The following FAM83B variants were observed in gnomAD, a reference collection of about 807,000 sequenced individuals.
FAM83B encodes the protein scaffolding CK1 anchoring protein B, also known as protein FAM83B.
Under a neutral mutation model 38.8 loss-of-function variants are expected in FAM83B, and 26 were observed. That is an observed-to-expected ratio of 0.67 (90% confidence interval 0.49 to 0.93). The LOEUF (loss-of-function observed/expected upper bound fraction) is 0.93. Ranked by LOEUF, FAM83B falls within the 40% of genes least tolerant of loss-of-function variation. The pLI is 0.00. For synonymous variants in FAM83B, 419 were observed against 423.1 expected (o/e 0.99, Z 0.12); for missense variants, 1,237 against 1,197.3 (o/e 1.03, Z -0.49).
intron 1 of FAM83B, among the ~76,000 whole-genome samples, chr6:54,854,031 A>G (rs565381664): frequency 1.3e-5 from 2 of 152,338 alleles, no homozygotes; most frequent in South Asian, 4.1e-4. Flanking sequence ...TGGAGGATGT[A>G]ATTGCAGATA....
At chr6:54,934,087 T>C (rs1773480360) in intron 4 of FAM83B, among the ~76,000 whole-genome samples, 1 of 152,294 alleles carries the variant, frequency 6.6e-6, no homozygotes, top group East Asian at 1.9e-4. Flanking sequence ...GTTTCACATA[T>C]TGTTGTTAAC....
At chr6:54,862,221 C>G (rs1226071605) in intron 1 of FAM83B, among the ~76,000 whole-genome samples, 1 of 152,148 alleles carries the variant, frequency 6.6e-6, no homozygotes. Flanking sequence ...TAATGGGAAC[C>G]TGGCCTGCCA....
At chr6:54,920,180 C>T (rs1010404811) in intron 2 of FAM83B, among the ~76,000 whole-genome samples, 7 of 149,224 alleles carry the variant, frequency 4.7e-5, no homozygotes, top group African/African-American at 1.5e-4. Context: ...TTTTTTTTTT[C>T]TGAAATCATT....
intron 2 of FAM83B, among the ~76,000 whole-genome samples, chr6:54,871,564 TAA>T (rs1771853736): frequency 7.0e-6 from 1 of 141,914 alleles, no homozygotes; most frequent in Non-Finnish European, 1.5e-5. Context: ...ACAATAATAA[TAA>T]TAATAATAAT....
chr6:54,935,561 G>C (rs1472858992), intron 4 of FAM83B, among the ~76,000 whole-genome samples: 1 of 152,112 alleles, frequency 6.6e-6, no homozygotes, highest in East Asian at 1.9e-4. Context: ...GCTATCCATA[G>C]TAAAACTGGA....
rs1771815252 is a variant in FAM83B at position 54,870,321 on chromosome 6, G to A, written c.75G>A (p.Lys25=). ...ACAACTACATTGAGCCTCACTACAAGGAATGGTATCGAGTAGCCATTGATA... is the reference window on the plus strand; with the variant it reads ...ACAACTACATTGAGCCTCACTACAAAGAATGGTATCGAGTAGCCATTGATA... ...KSDNYIEPHY[K]EWYRVAIDIL... is the part of the protein sequence containing the mutation. Residue 25 remains lysine, a synonymous_variant, in exon 2 of 5, where the codon AAG becomes AAA. Coordinates refer to ENST00000306858, the MANE Select transcript of FAM83B (RefSeq NM_001010872.3). The A allele has an allele frequency of 3.1e-6, 5 of 1,613,956 alleles. No homozygotes were observed. Among genetic ancestry groups the A allele is most frequent in the Non-Finnish European group, 4.2e-6 (5 of 1,179,886 alleles).
At chr6:54,902,586 T>G (rs564671714) in intron 2 of FAM83B, among the ~76,000 whole-genome samples, 10 of 152,206 alleles carry the variant, frequency 6.6e-5, no homozygotes, top group Non-Finnish European at 1.0e-4. Flanking sequence ...TCATCATAGT[T>G]ACCTTGTTTT....
rs2127575327 is a variant in FAM83B at position 54,870,678 on chromosome 6, A to G, written c.432A>G (p.Lys144=). 6.3e-7 allele frequency: 1 copy of G among 1,588,492 alleles called. No individual in the cohort carries two copies. The highest frequency in any genetic ancestry group is 2.2e-5 in the East Asian group (1 of 44,624). ...TIKETIRKMI[K]EARKVIALVM... is the part of the protein sequence containing the mutation. ...AAGAAACTATTCGGAAGATGATAAA[A>G]GAAGCAAGAAAGGTAATAACATTTC... The change falls in exon 2 of 5, where the codon AAA becomes AAG. Residue 144 remains lysine, a synonymous_variant. Transcript: ENST00000306858.
intron 2 of FAM83B, among the ~76,000 whole-genome samples, chr6:54,908,499 G>A (rs986179516): frequency 2.1e-5 from 3 of 145,006 alleles, no homozygotes; most frequent in African/African-American, 5.0e-5. Context: ...ATTCTGATTA[G>A]TTAATTTCTA....
At chr6:54,900,153 C>A (rs1772628807) in intron 2 of FAM83B, among the ~76,000 whole-genome samples, 1 of 152,144 alleles carries the variant, frequency 6.6e-6, no homozygotes, top group Non-Finnish European at 1.5e-5. Context: ...GCACATATAA[C>A]CTTAATGGTG....
intron 2 of FAM83B, among the ~76,000 whole-genome samples, chr6:54,881,289 G>C (rs1772125575): frequency 6.6e-6 from 1 of 152,148 alleles, no homozygotes; most frequent in Admixed American, 6.5e-5. Flanking sequence ...TGCTGATATG[G>C]TGAGAGTCTC....
chr6:54,898,319 C>T (rs1302407066), intron 2 of FAM83B, among the ~76,000 whole-genome samples: 2 of 152,170 alleles, frequency 1.3e-5, no homozygotes, highest in Non-Finnish European at 2.9e-5. Flanking sequence ...GCAGGAATAA[C>T]AGAATTTCCT....
At chr6:54,860,886 C>G (rs891218025) in intron 1 of FAM83B, among the ~76,000 whole-genome samples, 1 of 152,158 alleles carries the variant, frequency 6.6e-6, no homozygotes. Flanking sequence ...TGTACATGTT[C>G]ACAGCATGTT....
At chr6:54,909,932 A>T (rs1172328313) in intron 2 of FAM83B, among the ~76,000 whole-genome samples, 1 of 152,248 alleles carries the variant, frequency 6.6e-6, no homozygotes, top group Admixed American at 6.5e-5. Flanking sequence ...TTGGGAAAGT[A>T]CATGGCCATC....
At position 54,940,082 on chromosome 6, in the gene FAM83B, G is replaced by A. The variant is rs756612509; in HGVS notation, c.1111G>A (p.Ala371Thr). The change falls in exon 5 of 5, where the codon GCA becomes ACA. Residue 371 changes from alanine (A) to threonine (T), a missense_variant. Ala to Thr is a moderately conservative substitution (Grantham distance 58). Coordinates refer to ENST00000306858, the MANE Select transcript of FAM83B (RefSeq NM_001010872.3). ...HFVPNFNGPN[A>T]IRQFQPNQIN... ...TGTTCCTAACTTTAATGGTCCAAACGCAATACGTCAGTTTCAACCCAATCA... is the reference window on the plus strand; with the variant it reads ...TGTTCCTAACTTTAATGGTCCAAACACAATACGTCAGTTTCAACCCAATCA... 8.1e-6 allele frequency: 13 copies of A among 1,613,828 alleles called. No homozygotes were observed. The highest frequency in any genetic ancestry group is 2.2e-5 in the South Asian group (2 of 91,074).
At chr6:54,886,555 T>C (rs552974528) in intron 2 of FAM83B, among the ~76,000 whole-genome samples, 3 of 152,044 alleles carry the variant, frequency 2.0e-5, no homozygotes, top group Admixed American at 6.6e-5. Flanking sequence ...GTTTTTCTTA[T>C]GGATTGGCAT....
intron 1 of FAM83B, among the ~76,000 whole-genome samples, chr6:54,857,565 G>A (rs946172765): frequency 2.6e-5 from 4 of 152,094 alleles, no homozygotes; most frequent in Admixed American, 6.6e-5. Context: ...TAATTATACC[G>A]TGAGGGCAGA....
At chr6:54,856,583 CTTTA>C (rs1213986703) in intron 1 of FAM83B, among the ~76,000 whole-genome samples, 1 of 140,978 alleles carries the variant, frequency 7.1e-6, no homozygotes, top group African/African-American at 3.2e-5. Flanking sequence ...ATATATATTT[CTTTA>C]TTTATCTCTT....
At chr6:54,856,577 A>G (rs576215007) in intron 1 of FAM83B, among the ~76,000 whole-genome samples, 16 of 151,060 alleles carry the variant, frequency 1.1e-4, no homozygotes, top group Non-Finnish European at 2.1e-4. Context: ...TTTAAAATAT[A>G]TATTTCTTTA....
Sources: allele counts gnomAD v4.1 joint callset (sites outside exome capture counted in the v4.1 genomes callset), GRCh38; gene constraint gnomAD v4.1.1; transcripts MANE v1.5; gene names NCBI Gene and HGNC (gene_info 2026-07-23, HGNC 2026-07-21).